The following NDRG4 variants were observed in gnomAD, a reference collection of about 807,000 sequenced individuals.
The protein encoded by NDRG4 is protein NDRG4.
A neutral mutation model predicts 55.8 loss-of-function variants in NDRG4; 38 were observed. That is an observed-to-expected ratio of 0.68 (90% CI 0.53 to 0.89). The LOEUF is 0.89. Ranked by LOEUF, NDRG4 falls within the 40% of genes least tolerant of loss-of-function variation. NDRG4 has a pLI of 0.00. For synonymous variants in NDRG4, 190 were observed against 182.7 expected (o/e 1.04, Z -0.32); for missense variants, 455 against 468.6 (o/e 0.97, Z 0.27).
chr16:58,467,126 G>A lies in NDRG4; in HGVS notation c.-24+3329G>A, dbSNP rs534280426. On this transcript the variant is annotated intron_variant, in intron 1 of 15. Coordinates refer to the NDRG4 transcript ENST00000258187. ...GAGGCTAGGCTCACACAGCCCACTC[G>A]GCATCTACGTCTCTAGGATAATTCT... Among the ~76,000 whole-genome samples the A allele has an allele frequency of 1.2e-4, 18 of 152,288 alleles. No homozygotes were observed. In the East Asian group the frequency reaches 2.5e-3, roughly 21 times the overall value.
chr16:58,486,700 T>TACACACACACAC (rs56119933), intron 1 of NDRG4, among the ~76,000 whole-genome samples: 7 of 128,136 alleles, frequency 5.5e-5, no homozygotes, highest in East Asian at 2.5e-4. Flanking sequence ...CACTGGCTCC[T>TACACACACACAC]ACACACACAC....
At chr16:58,483,169 G>A (rs1007522448) in intron 1 of NDRG4, among the ~76,000 whole-genome samples, 3 of 152,190 alleles carry the variant, frequency 2.0e-5, no homozygotes, top group Middle Eastern at 3.4e-3. Flanking sequence ...TTTTTCTGTA[G>A]GATGTATAAC....
chr16:58,513,101 A>G lies in NDRG4; in HGVS notation c.*1525A>G, dbSNP rs551011016. The G allele has an allele frequency of 6.5e-5, 10 of 152,712 alleles. No homozygotes were observed. The highest frequency in any genetic ancestry group is 2.4e-4 in the African/African-American group (10 of 41,516). The allele number at this position is 152,712 out of a possible 1,614,324, so 9.5% of individuals were successfully genotyped here. A position where few individuals can be genotyped will look rare whatever the true frequency, so the allele number is the denominator to read the frequency against. On this transcript the variant is annotated 3_prime_UTR_variant, in exon 15 of 15. Transcript: ENST00000570248. ...GAATTCATCCCTCTTACTGTAGATA[A>G]CACTGCAAATCTTGGAATTTTGTTT... is the stretch of plus-strand genomic sequence containing the variant.
intron 1 of NDRG4, among the ~76,000 whole-genome samples, chr16:58,476,338 G>C (rs1487136832): frequency 6.6e-6 from 1 of 152,190 alleles, no homozygotes; most frequent in Non-Finnish European, 1.5e-5. Context: ...ATGTGTTATT[G>C]GAATTCTAGT....
In NDRG4 at chr16:58,464,544, G is replaced by T; in HGVS notation, c.-24+747G>T. 8.1e-7 allele frequency: 1 copy of T among 1,237,612 alleles called. No individual in the cohort carries two copies. 76.7% of individuals were successfully genotyped at this position (1,237,612 alleles called of 1,614,324 possible). ...CTCCGGGCGCGGCGGCCGGGGACTG[G>T]GGCGGCTCGGGTCTGAGCAGGAAGG... On this transcript the variant is annotated intron_variant, in intron 1 of 15. Coordinates refer to the NDRG4 transcript ENST00000258187. The surrounding 1 kb of genome is among the most constrained non-coding windows in gnomAD (Gnocchi z 4.8).
downstream of NDRG4, among the ~76,000 whole-genome samples, chr16:58,514,750 AAAAAAAAAAAAAAAAGG>A (rs1450406472): frequency 1.1e-5 from 1 of 95,228 alleles, no homozygotes; most frequent in Non-Finnish European, 1.9e-5. Flanking sequence ...CGCGCCAAAA[AAAAAAAAAAAAAAAAGG>A]AAAAAAAAAA....
At chr16:58,484,610 C>G (rs2034854075) in intron 1 of NDRG4, among the ~76,000 whole-genome samples, 1 of 152,178 alleles carries the variant, frequency 6.6e-6, no homozygotes, top group Admixed American at 6.5e-5. Context: ...TCTGTCTGCC[C>G]AGGCCCAGGT....
intron 13 of NDRG4, 114 bp downstream of exon 13, chr16:58,509,466 CCCATAAGCATAGGAGTTTTGTGTGA>C: frequency 9.0e-7 from 1 of 1,117,238 alleles, no homozygotes. Flanking sequence ...TAGTAGGGAG[CCCATAAGCATAGGAGTTTTGTGTGA>C]CCTGGGCCCC....
At chr16:58,488,899 G>A (rs2035444650) in intron 2 of NDRG4, among the ~76,000 whole-genome samples, 1 of 152,144 alleles carries the variant, frequency 6.6e-6, no homozygotes, top group African/African-American at 2.4e-5. Context: ...TTTATTCTAA[G>A]TTTACTTGCT....
At chr16:58,514,299 C>T (rs113853412), downstream of NDRG4, among the ~76,000 whole-genome samples, 411 of 152,258 alleles carry the variant, frequency 2.7e-3, 2 homozygotes, top group African/African-American at 9.3e-3. Flanking sequence ...AATAAGGCTT[C>T]TAAATAAAAC....
At chr16:58,495,751 C>T (rs1048377738), upstream of NDRG4, among the ~76,000 whole-genome samples, 1 of 152,202 alleles carries the variant, frequency 6.6e-6, no homozygotes, top group South Asian at 2.1e-4. Context: ...TGTGCTGGTC[C>T]CTCGGTCACG....
chr16:58,511,691 T>C lies in NDRG4; in HGVS notation c.*115T>C. On this transcript the variant is annotated 3_prime_UTR_variant, in exon 15 of 15. Coordinates refer to ENST00000570248, the MANE Select transcript of NDRG4 (RefSeq NM_001242835.2). ...GCAAAGGGGAGGAAATGGGGTTCTG[T>C]TTGAAAAAAATGAGGGGATCTTAGA... 1 of 1,342,068 alleles carries C rather than the reference T, an allele frequency of 7.5e-7. No individual in the cohort carries two copies. The highest frequency in any genetic ancestry group is 1.1e-6 in the Non-Finnish European group (1 of 943,280). 83.1% of individuals were successfully genotyped at this position (1,342,068 alleles called of 1,614,324 possible). A position where few individuals can be genotyped will look rare whatever the true frequency, so the allele number is the denominator to read the frequency against.
At chr16:58,510,617 C>T in intron 13 of NDRG4, 28 bp from the exon 14 acceptor site, 1 of 1,534,786 alleles carries the variant, frequency 6.5e-7, no homozygotes, top group Non-Finnish European at 8.7e-7. Flanking sequence ...CATCCCCGCC[C>T]CCTCTCCGGC....
chr16:58,509,270 T>A, intron 12 of NDRG4, 31 bp from the exon 13 acceptor site: 1 of 1,614,006 alleles, frequency 6.2e-7, no homozygotes, highest in Non-Finnish European at 8.5e-7. Flanking sequence ...AGGCAGCCAA[T>A]GAAAGCATGT....
At chr16:58,511,379 C>T (rs1265806566) in intron 14 of NDRG4, 43 bp from the exon 15 acceptor site, 5 of 1,546,200 alleles carry the variant, frequency 3.2e-6, no homozygotes, top group African/African-American at 2.7e-5. Flanking sequence ...AGGCACCTGG[C>T]CCTGCCCGCC....
chr16:58,496,405 G>C (rs2036416264), upstream of NDRG4, among the ~76,000 whole-genome samples: 1 of 152,116 alleles, frequency 6.6e-6, no homozygotes, highest in East Asian at 1.9e-4. Flanking sequence ...ACACCACATG[G>C]AGGCAGCATT....
chr16:58,500,985 T>C (rs1043570816), intron 1 of NDRG4: 11 of 1,243,600 alleles, frequency 8.8e-6, no homozygotes, highest in Non-Finnish European at 1.0e-5. Context: ...CCTTATTTTG[T>C]AGGTGGGGGA....
intron 10 of NDRG4, 141 bp from the exon 11 acceptor site, chr16:58,508,821 G>A (rs112981607): frequency 3.6e-6 from 3 of 841,880 alleles, no homozygotes; most frequent in Admixed American, 2.2e-5. Flanking sequence ...AGCCTGGGAG[G>A]AGCAGCCTGT....
At chr16:58,466,098 C>T (rs117563580) in intron 1 of NDRG4, among the ~76,000 whole-genome samples, 4,033 of 152,316 alleles carry the variant, frequency 0.026, 73 homozygotes, top group Non-Finnish European at 0.04. Flanking sequence ...CTCCCTGCAG[C>T]GTCCGTCTCC....
Sources: allele counts gnomAD v4.1 joint callset (sites outside exome capture counted in the v4.1 genomes callset), GRCh38; gene constraint gnomAD v4.1.1; non-coding constraint Gnocchi (gnomAD v3.1); transcripts MANE v1.5; gene names NCBI Gene and HGNC (gene_info 2026-07-23, HGNC 2026-07-21).